Variants in NUBPL observed in about 807,000 individuals in gnomAD.
NUBPL encodes the protein NUBP iron-sulfur cluster assembly factor, mitochondrial.
In NUBPL, 31 loss-of-function variants were observed where a neutral mutation model predicts 45.7. The ratio of observed to expected loss-of-function variants is 0.68; its 90% CI spans 0.51 to 0.92. The LOEUF is 0.92. NUBPL is among the 40% of genes least tolerant of loss of function. The pLI is 0.00. For synonymous variants in NUBPL, 144 were observed against 140.9 expected, an observed-to-expected ratio of 1.02 and a Z score of -0.15; for missense variants, 401 against 398.7, an observed-to-expected ratio of 1.01 and a Z score of -0.05.
At chr14:31,609,583 A>G (rs538003379) in intron 4 of NUBPL, among the ~76,000 whole-genome samples, 1 of 152,330 alleles carries the variant, frequency 6.6e-6, no homozygotes, top group South Asian at 2.1e-4. Context: ...TCTAATAGAT[A>G]TTTACAGAGC....
chr14:31,834,397 T>A (rs370360194), intron 8 of NUBPL, among the ~76,000 whole-genome samples: 4 of 152,072 alleles, frequency 2.6e-5, no homozygotes, highest in Non-Finnish European at 5.9e-5. Flanking sequence ...GCCAGGATGG[T>A]CTCGATCTCC....
rs1485130920 is a variant in NUBPL, at chr14:31,633,685, G to A, written c.382+34306G>A. Among the ~76,000 whole-genome samples the A allele has an allele frequency of 3.3e-5, 5 of 152,144 alleles. No homozygotes were observed. The East Asian group carries it at 7.7e-4, about 23-fold the overall frequency. The stretch of plus-strand genomic sequence containing the variant: ...AGGGAGATTTTGTTGTTCCATGACA[G>A]CTCTATTTATTAACTGGTTTTTCCT... On this transcript the variant is annotated intron_variant, in intron 4 of 10. Transcript: ENST00000281081.
chr14:31,561,641 C>A, intron 1 of NUBPL, 94 bp downstream of exon 1: 1 of 856,344 alleles, frequency 1.2e-6, no homozygotes, highest in East Asian at 3.1e-5. Context: ...CAAAGACTCG[C>A]CTCAGTTCCT....
At chr14:31,836,698 C>T (rs565558294) in intron 8 of NUBPL, among the ~76,000 whole-genome samples, 53 of 152,108 alleles carry the variant, frequency 3.5e-4, no homozygotes, top group East Asian at 3.1e-3. Context: ...TTTTTAATAC[C>T]CAAGGCTTTC....
chr14:31,786,277 A>C (rs1015497586), intron 6 of NUBPL, among the ~76,000 whole-genome samples: 1 of 152,250 alleles, frequency 6.6e-6, no homozygotes, highest in Non-Finnish European at 1.5e-5. Context: ...TAGGTTTAAA[A>C]AAATCAAGTC....
chr14:31,808,449 G>A (rs1398578698), intron 7 of NUBPL, among the ~76,000 whole-genome samples: 2 of 152,174 alleles, frequency 1.3e-5, no homozygotes, highest in Non-Finnish European at 2.9e-5. Context: ...GAATGCTTGT[G>A]ATTTTTGCAC....
intron 6 of NUBPL, among the ~76,000 whole-genome samples, chr14:31,679,015 C>G (rs2036766471): frequency 6.6e-6 from 1 of 152,142 alleles, no homozygotes; most frequent in Non-Finnish European, 1.5e-5. Context: ...CATATGCTTC[C>G]TCTGTGTGCA....
Position 31,859,577 on chromosome 14 carries a change from A to G in NUBPL, c.*397A>G, listed in dbSNP as rs921938454. 1 of 312,518 alleles carries G rather than the reference A, an allele frequency of 3.2e-6. No individual in the cohort carries two copies. The highest frequency in any genetic ancestry group is 6.2e-6 in the Non-Finnish European group (1 of 161,986). The allele number at this position is 312,518 out of a possible 1,614,324, so 19.4% of individuals were successfully genotyped here. A position where few individuals can be genotyped will look rare whatever the true frequency, so the allele number is the denominator to read the frequency against. On this transcript the variant is annotated 3_prime_UTR_variant, in exon 11 of 11. Transcript: ENST00000281081. ...GGCATAAGTATTACGCCTTCCCACC[A>G]GGCAATTTGGACTGTCTTTGAATCC...
intron 7 of NUBPL, among the ~76,000 whole-genome samples, chr14:31,792,573 G>C (rs2039402114): frequency 6.6e-6 from 1 of 151,926 alleles, no homozygotes. Flanking sequence ...TTCATGTTGT[G>C]GTTATTAAGT....
At chr14:31,844,924 A>G (rs1375826428) in intron 8 of NUBPL, 1 of 152,238 alleles carries the variant, frequency 6.6e-6, no homozygotes, top group Non-Finnish European at 1.5e-5. Flanking sequence ...TTATATTTGC[A>G]GAGCCTATCT....
At chr14:31,711,712 C>A (rs1364740596) in intron 6 of NUBPL, among the ~76,000 whole-genome samples, 1 of 152,082 alleles carries the variant, frequency 6.6e-6, no homozygotes, top group Non-Finnish European at 1.5e-5. Flanking sequence ...GTCTTGCTGA[C>A]TTCAGGAGTG....
At chr14:31,829,422 C>T (rs1169043322) in intron 8 of NUBPL, among the ~76,000 whole-genome samples, 2 of 152,148 alleles carry the variant, frequency 1.3e-5, no homozygotes, top group Non-Finnish European at 2.9e-5. Flanking sequence ...CAGCAATAAG[C>T]TCTGTGAACA....
At chr14:31,617,732 A>T (rs1284366434) in intron 4 of NUBPL, among the ~76,000 whole-genome samples, 1 of 151,810 alleles carries the variant, frequency 6.6e-6, no homozygotes, top group Non-Finnish European at 1.5e-5. Context: ...TAGGCTTGAA[A>T]TTTTCTTTTT....
chr14:31,758,446 A>G (rs1315066785), intron 6 of NUBPL, among the ~76,000 whole-genome samples: 6 of 152,188 alleles, frequency 3.9e-5, no homozygotes, highest in African/African-American at 1.4e-4. Flanking sequence ...AAAAATGTAG[A>G]AAATTCACAA....
chr14:31,799,283 C>T (rs1233206602), intron 7 of NUBPL, among the ~76,000 whole-genome samples: 1 of 152,024 alleles, frequency 6.6e-6, no homozygotes, highest in Non-Finnish European at 1.5e-5. Flanking sequence ...CTAGAAAATA[C>T]TATACATTTG....
intron 6 of NUBPL, among the ~76,000 whole-genome samples, chr14:31,777,708 A>C (rs1216257507): frequency 2.0e-5 from 3 of 152,210 alleles, no homozygotes; most frequent in African/African-American, 7.2e-5. Flanking sequence ...TCCCTTTCAG[A>C]GATTTGGCTA....
chr14:31,700,594 C>T (rs1038433623), intron 6 of NUBPL, among the ~76,000 whole-genome samples: 4 of 152,012 alleles, frequency 2.6e-5, no homozygotes, highest in African/African-American at 4.8e-5. Context: ...TGCAGGCCAG[C>T]GCGAGTTCCG....
At chr14:31,750,492 T>C (rs8012483) in intron 6 of NUBPL, among the ~76,000 whole-genome samples, 151,287 of 151,936 alleles carry the variant, frequency 1, 75,323 homozygotes, top group Middle Eastern at 1. Context: ...CCACCGCGCC[T>C]GGCCACAATC....
intron 6 of NUBPL, among the ~76,000 whole-genome samples, chr14:31,728,793 C>T (rs2037982698): frequency 6.6e-6 from 1 of 152,134 alleles, no homozygotes; most frequent in South Asian, 2.1e-4. Context: ...GTAGGTGATT[C>T]TTTCAAATTG....
Sources: allele counts gnomAD v4.1 joint callset (sites outside exome capture counted in the v4.1 genomes callset), GRCh38; gene constraint gnomAD v4.1.1; transcripts MANE v1.5; gene names NCBI Gene and HGNC (gene_info 2026-07-23, HGNC 2026-07-21).